The following SLC16A7 variants were observed in gnomAD, a reference collection of about 807,000 sequenced individuals.
The protein encoded by SLC16A7 is solute carrier family 16 member 7.
A neutral mutation model predicts 34.9 loss-of-function variants in SLC16A7; 33 were observed. That is an observed-to-expected ratio of 0.94 (90% CI 0.72 to 1.26). SLC16A7 has a LOEUF of 1.26. Ranked by LOEUF, SLC16A7 falls within the 50% of genes most tolerant of loss-of-function variation. The pLI is 0.00. For missense variants in SLC16A7, 573 were observed against 578.1 expected, an observed-to-expected ratio of 0.99 and a Z score of 0.09; for synonymous variants, 201 against 206.6, an observed-to-expected ratio of 0.97 and a Z score of 0.23.
chr12:59,624,560 G>A (rs1879837558), intron 1 of SLC16A7, among the ~76,000 whole-genome samples: 2 of 151,772 alleles, frequency 1.3e-5, no homozygotes, highest in South Asian at 4.1e-4. Flanking sequence ...GGGGTCTGGG[G>A]CATCACACAA....
chr12:59,657,714 T>C (rs932760114), intron 2 of SLC16A7, among the ~76,000 whole-genome samples: 2 of 152,080 alleles, frequency 1.3e-5, no homozygotes, highest in South Asian at 2.1e-4. Context: ...AGGGACAATA[T>C]ATTAATTAAT....
At chr12:59,710,850 G>A (rs1311564954) in intron 3 of SLC16A7, among the ~76,000 whole-genome samples, 2 of 152,178 alleles carry the variant, frequency 1.3e-5, no homozygotes, top group Non-Finnish European at 2.9e-5. Context: ...ACAAATCAGA[G>A]GAGAAGCAGA....
chr12:59,624,736 A>G (rs866990172), intron 1 of SLC16A7, among the ~76,000 whole-genome samples: 1 of 141,164 alleles, frequency 7.1e-6, no homozygotes, highest in Non-Finnish European at 1.5e-5. Flanking sequence ...TTGCATTGTT[A>G]GTTGTGTGTG....
intron 3 of SLC16A7, among the ~76,000 whole-genome samples, chr12:59,748,444 C>T (rs1421943161): frequency 6.6e-6 from 1 of 152,140 alleles, no homozygotes; most frequent in Non-Finnish European, 1.5e-5. Flanking sequence ...ATGTGTGACA[C>T]TTATCTCTAT....
intron 2 of SLC16A7, among the ~76,000 whole-genome samples, chr12:59,680,065 G>A (rs766802294): frequency 5.9e-5 from 9 of 152,130 alleles, no homozygotes; most frequent in Non-Finnish European, 1.2e-4. Context: ...AAATAAAGGC[G>A]TTTTCTGCCT....
At chr12:59,624,738 T>TTGTGTGTGTGTGTG (rs34708782) in intron 1 of SLC16A7, among the ~76,000 whole-genome samples, 17 of 145,370 alleles carry the variant, frequency 1.2e-4, no homozygotes, top group African/African-American at 4.0e-4. Context: ...GCATTGTTAG[T>TTGTGTGTGTGTGTG]TGTGTGTGTG....
At chr12:59,597,402 A>G (rs541628845) in intron 1 of SLC16A7, among the ~76,000 whole-genome samples, 2 of 152,268 alleles carry the variant, frequency 1.3e-5, no homozygotes, top group South Asian at 4.1e-4. Context: ...ATAGCGGACA[A>G]TGATGAAAGT....
At chr12:59,640,252 G>A (rs1420656009) in intron 1 of SLC16A7, among the ~76,000 whole-genome samples, 1 of 152,010 alleles carries the variant, frequency 6.6e-6, no homozygotes, top group Non-Finnish European at 1.5e-5. Context: ...AAGACATTAG[G>A]CTCAACACAA....
intron 3 of SLC16A7, among the ~76,000 whole-genome samples, chr12:59,739,856 CTGTTCA>C (rs1878086681): frequency 6.6e-6 from 1 of 152,176 alleles, no homozygotes; most frequent in Admixed American, 6.5e-5. Flanking sequence ...TGAGAATTGT[CTGTTCA>C]TGTCCTTCAC....
At chr12:59,699,251 A>G (rs1199761377) in intron 2 of SLC16A7, among the ~76,000 whole-genome samples, 2 of 151,698 alleles carry the variant, frequency 1.3e-5, no homozygotes, top group Non-Finnish European at 3.0e-5. Flanking sequence ...TCCAAATTTT[A>G]GAAGGACAAG....
intron 1 of SLC16A7, among the ~76,000 whole-genome samples, chr12:59,617,544 G>A (rs1032375151): frequency 6.6e-5 from 10 of 151,796 alleles, no homozygotes; most frequent in African/African-American, 2.2e-4. Flanking sequence ...ACTTAAACTT[G>A]GATTTTATTC....
chr12:59,671,353 A>G (rs1237198987), intron 2 of SLC16A7, among the ~76,000 whole-genome samples: 2 of 152,130 alleles, frequency 1.3e-5, no homozygotes, highest in Admixed American at 6.6e-5. Flanking sequence ...GAATATGTAT[A>G]CTTTAGTTAC....
At chr12:59,744,249 C>G (rs138748641) in intron 3 of SLC16A7, among the ~76,000 whole-genome samples, 16 of 152,126 alleles carry the variant, frequency 1.1e-4, no homozygotes, top group Non-Finnish European at 2.2e-4. Flanking sequence ...CATAACCCCC[C>G]ACCCAGCACC....
intron 2 of SLC16A7, among the ~76,000 whole-genome samples, chr12:59,668,750 G>T (rs1869424317): frequency 6.6e-6 from 1 of 152,196 alleles, no homozygotes; most frequent in Non-Finnish European, 1.5e-5. Flanking sequence ...GGGGCTAGGA[G>T]TGAAATGATA....
intron 5 of SLC16A7, among the ~76,000 whole-genome samples, chr12:59,777,674 T>C (rs1377128629): frequency 6.6e-6 from 1 of 151,940 alleles, no homozygotes; most frequent in Non-Finnish European, 1.5e-5. Flanking sequence ...TTATTAGACT[T>C]TAAGTTTTAG....
At chr12:59,645,515 T>C (rs907606933) in intron 1 of SLC16A7, among the ~76,000 whole-genome samples, 1 of 152,122 alleles carries the variant, frequency 6.6e-6, no homozygotes, top group African/African-American at 2.4e-5. Flanking sequence ...TGTGTTTGCT[T>C]CCCCTTCTAC....
At chr12:59,683,392 G>A (rs1870899623) in intron 2 of SLC16A7, among the ~76,000 whole-genome samples, 1 of 152,148 alleles carries the variant, frequency 6.6e-6, no homozygotes, top group African/African-American at 2.4e-5. Flanking sequence ...GGGAGGCAAG[G>A]TTGGGAAACT....
intron 4 of SLC16A7, among the ~76,000 whole-genome samples, chr12:59,774,109 G>A (rs1450016965): frequency 1.3e-5 from 2 of 152,164 alleles, no homozygotes; most frequent in Non-Finnish European, 2.9e-5. Flanking sequence ...TGGACTGTGA[G>A]GGATGTACAG....
chr12:59,720,182 A>C (rs1875408102), intron 3 of SLC16A7: 12 of 670,184 alleles, frequency 1.8e-5, no homozygotes, highest in Non-Finnish European at 3.2e-5. Context: ...AATTTGTTCC[A>C]GTTTGGAATC....
Sources: allele counts gnomAD v4.1 joint callset (sites outside exome capture counted in the v4.1 genomes callset), GRCh38; gene constraint gnomAD v4.1.1; transcripts MANE v1.5; gene names NCBI Gene and HGNC (gene_info 2026-07-23, HGNC 2026-07-21).